PPFIA2: variants seen among roughly 807,000 people sequenced by gnomAD.
The protein encoded by PPFIA2 is PPFI scaffold protein A2.
Under a neutral mutation model 175.5 loss-of-function variants are expected in PPFIA2, and 46 were observed. The ratio of observed to expected loss-of-function variants is 0.26; its 90% CI spans 0.21 to 0.34. The LOEUF (loss-of-function observed/expected upper bound fraction) is 0.34, where lower values mean the gene tolerates loss of function less well. Among genes scored for constraint, PPFIA2 ranks in the 10% least tolerant of loss-of-function variants. PPFIA2 has a pLI of 1.00. For missense variants in PPFIA2, 1,179 were observed against 1,506.1 expected (o/e 0.78, Z 3.60); for synonymous variants, 568 against 511.4 (o/e 1.11, Z -1.49).
chr12:81,352,763 C>A (rs528709515), intron 17 of PPFIA2, among the ~76,000 whole-genome samples: 3 of 152,220 alleles, frequency 2.0e-5, no homozygotes, highest in African/African-American at 7.2e-5. Flanking sequence ...TACGTGATTA[C>A]CACACACACT....
In PPFIA2 at chr12:81,341,282, T is replaced by C. The variant is rs1595101861; in HGVS notation, c.2263-74A>G. On this transcript the variant is annotated intron_variant, in intron 19 of 32. Coordinates refer to ENST00000549396, the MANE Select transcript of PPFIA2 (RefSeq NM_003625.5). ...TGAAATTGACACAAATGGAGAATCA[T>C]GAGAACAAGGCTGTCGAGTAATTTT... 8 of 1,462,328 alleles carry C rather than the reference T, an allele frequency of 5.5e-6. No homozygotes were observed. The East Asian group carries it at 1.4e-4, about 25-fold the overall frequency. The allele number at this position is 1,462,328 out of a possible 1,614,324, so 90.6% of individuals were successfully genotyped here.
intron 4 of PPFIA2, among the ~76,000 whole-genome samples, chr12:81,667,195 C>T (rs1452942831): frequency 1.3e-5 from 2 of 152,068 alleles, no homozygotes; most frequent in Non-Finnish European, 2.9e-5. Flanking sequence ...TCCACTATAT[C>T]TTCCCCTCAG....
At chr12:81,513,760 A>G (rs1414695458) in intron 4 of PPFIA2, among the ~76,000 whole-genome samples, 1 of 152,062 alleles carries the variant, frequency 6.6e-6, no homozygotes, top group African/African-American at 2.4e-5. Flanking sequence ...AGATAGAACA[A>G]TCAGGCATAC....
chr12:81,635,939 C>G (rs2063948878), intron 4 of PPFIA2, among the ~76,000 whole-genome samples: 1 of 152,150 alleles, frequency 6.6e-6, no homozygotes, highest in Non-Finnish European at 1.5e-5. Flanking sequence ...CACACACACA[C>G]ACACACGTGA....
chr12:81,663,481 A>G (rs916143321), intron 4 of PPFIA2, among the ~76,000 whole-genome samples: 2 of 152,214 alleles, frequency 1.3e-5, no homozygotes, highest in African/African-American at 4.8e-5. Flanking sequence ...CCAACTTACA[A>G]TGGATGGAAG....
chr12:81,627,511 G>A (rs1033838852), intron 4 of PPFIA2, among the ~76,000 whole-genome samples: 2 of 152,018 alleles, frequency 1.3e-5, no homozygotes, highest in Non-Finnish European at 2.9e-5. Context: ...GTTTTTCCAA[G>A]ACATCATTAC....
chr12:81,639,964 A>C (rs2064734194), intron 4 of PPFIA2, among the ~76,000 whole-genome samples: 1 of 152,196 alleles, frequency 6.6e-6, no homozygotes, highest in Admixed American at 6.5e-5. Context: ...AAAATTTCTT[A>C]TATAAATTGA....
intron 4 of PPFIA2, among the ~76,000 whole-genome samples, chr12:81,540,237 G>A (rs1053937010): frequency 6.6e-6 from 1 of 151,960 alleles, no homozygotes; most frequent in East Asian, 1.9e-4. Context: ...AGGGAATAAA[G>A]AAGTAAACCT....
chr12:81,306,538 G>C (rs537980984), intron 22 of PPFIA2, among the ~76,000 whole-genome samples: 2 of 125,430 alleles, frequency 1.6e-5, no homozygotes, highest in Admixed American at 8.4e-5. Flanking sequence ...TGTTTGTTTC[G>C]TTGTTTTTTT....
chr12:81,697,949 A>G (rs957160100), intron 3 of PPFIA2, among the ~76,000 whole-genome samples: 1 of 152,196 alleles, frequency 6.6e-6, no homozygotes, highest in African/African-American at 2.4e-5. Flanking sequence ...ATGCAGTAAT[A>G]CTATAGCCAA....
chr12:81,536,388 G>A (rs956269695), intron 4 of PPFIA2, among the ~76,000 whole-genome samples: 3 of 150,798 alleles, frequency 2.0e-5, no homozygotes, highest in South Asian at 2.1e-4. Context: ...AAAAATAATC[G>A]CTTTCAATTA....
At chr12:81,645,271 C>T (rs2065907313) in intron 4 of PPFIA2, among the ~76,000 whole-genome samples, 1 of 151,982 alleles carries the variant, frequency 6.6e-6, no homozygotes, top group Non-Finnish European at 1.5e-5. Flanking sequence ...TAATTTTACT[C>T]ATCATATTTT....
chr12:81,259,449 T>C lies in PPFIA2; in HGVS notation c.*245A>G, dbSNP rs1021602027. Reference sequence around the variant, plus strand: ...TGTACAGAGTTTATGATGTAGATGATGTTTATTATTCAAATGACTTAAGCA... The same window carrying C: ...TGTACAGAGTTTATGATGTAGATGACGTTTATTATTCAAATGACTTAAGCA... On this transcript the variant is annotated 3_prime_UTR_variant, in exon 33 of 33. Coordinates refer to ENST00000549396, the MANE Select transcript of PPFIA2 (RefSeq NM_003625.5). 4.5e-6 allele frequency: 3 copies of C among 662,024 alleles called. No individual in the cohort carries two copies. In the African/African-American group the frequency reaches 5.5e-5, roughly 12 times the overall value. 41.0% of individuals were successfully genotyped at this position (662,024 alleles called of 1,614,324 possible).
intron 28 of PPFIA2, among the ~76,000 whole-genome samples, chr12:81,272,891 C>CT (rs2039502524): frequency 1.3e-5 from 2 of 152,160 alleles, no homozygotes; most frequent in Admixed American, 6.5e-5. Flanking sequence ...ATCTCCTTCA[C>CT]TATAGTAACC....
chr12:81,657,481 G>C (rs1440541482), intron 4 of PPFIA2, among the ~76,000 whole-genome samples: 1 of 152,132 alleles, frequency 6.6e-6, no homozygotes, highest in Non-Finnish European at 1.5e-5. Context: ...CCTTCTTAGA[G>C]AGCCATCTTC....
intron 4 of PPFIA2, among the ~76,000 whole-genome samples, chr12:81,654,380 A>T (rs1175940739): frequency 1.3e-5 from 2 of 152,062 alleles, no homozygotes; most frequent in Non-Finnish European, 2.9e-5. Context: ...TCACTATTTT[A>T]AAAGCCTACT....
intron 7 of PPFIA2, among the ~76,000 whole-genome samples, chr12:81,408,525 T>C (rs2043324271): frequency 6.6e-6 from 1 of 152,240 alleles, no homozygotes; most frequent in Non-Finnish European, 1.5e-5. Flanking sequence ...CTTTCAAATA[T>C]GTCCTGGTGC....
chr12:81,440,262 G>T (rs558797759), intron 6 of PPFIA2, among the ~76,000 whole-genome samples: 1 of 152,248 alleles, frequency 6.6e-6, no homozygotes, highest in African/African-American at 2.4e-5. Context: ...GTAAGCAAAT[G>T]CTTTTGGTAG....
At chr12:81,412,251 A>G (rs1592586579) in intron 7 of PPFIA2, among the ~76,000 whole-genome samples, 1 of 150,504 alleles carries the variant, frequency 6.6e-6, no homozygotes, top group Non-Finnish European at 1.5e-5. Context: ...TATTCATTTG[A>G]TCACTGTTCT....
Sources: gnomAD v4.1 joint callset for allele counts (sites outside exome capture counted in the v4.1 genomes callset) on GRCh38, gnomAD v4.1.1 for gene constraint, MANE v1.5 for transcripts, NCBI Gene and HGNC (gene_info 2026-07-23, HGNC 2026-07-21) for gene names.